The following ITSN2 variants were observed in gnomAD, a reference collection of about 807,000 sequenced individuals.
ITSN2 encodes intersectin 2, also known as intersectin-2.
In ITSN2, 156 loss-of-function variants were observed where a neutral mutation model predicts 243.7. The observed-to-expected ratio is 0.64, with a 90% CI of 0.56 to 0.73. ITSN2 has a LOEUF of 0.73. ITSN2 is among the 30% of genes least tolerant of loss of function. The pLI, the probability that ITSN2 is intolerant of heterozygous loss-of-function variation, is 0.00. For missense variants in ITSN2, 1,801 were observed against 1,996.1 expected (o/e 0.90, Z 1.86); for synonymous variants, 703 against 699.9 (o/e 1.00, Z -0.07).
intron 18 of ITSN2, among the ~76,000 whole-genome samples, chr2:24,272,876 G>C (rs965230367): frequency 3.3e-5 from 5 of 152,142 alleles, no homozygotes; most frequent in Admixed American, 2.0e-4. Flanking sequence ...CAGTCAAGGT[G>C]ATCTGTGATC....
intron 1 of ITSN2, among the ~76,000 whole-genome samples, chr2:24,355,273 A>C (rs1688343204): frequency 6.6e-6 from 1 of 152,238 alleles, no homozygotes; most frequent in South Asian, 2.1e-4. Context: ...AGATCTATCC[A>C]CTTACAGAAT....
intron 25 of ITSN2, among the ~76,000 whole-genome samples, chr2:24,251,235 G>C (rs983628700): frequency 9.7e-5 from 14 of 144,756 alleles, no homozygotes; most frequent in African/African-American, 3.6e-4. Context: ...TAAGGCACGA[G>C]AATTGCTTGA....
intron 15 of ITSN2, among the ~76,000 whole-genome samples, chr2:24,290,654 C>T (rs1171757658): frequency 3.3e-5 from 5 of 152,010 alleles, no homozygotes; most frequent in East Asian, 1.9e-4. Flanking sequence ...ACATAGAGAG[C>T]GGTAAAGAGC....
At chr2:24,210,629 AAAAAAG>A (rs1558428118) in intron 34 of ITSN2, 145 bp downstream of exon 34, 57 of 635,670 alleles carry the variant, frequency 9.0e-5, no homozygotes, top group Non-Finnish European at 8.5e-5. Context: ...AAAAAAAAAA[AAAAAAG>A]AAAAAAAAAT....
At chr2:24,210,629 A>AAAG in intron 34 of ITSN2, 151 bp downstream of exon 34, 7 of 635,822 alleles carry the variant, frequency 1.1e-5, no homozygotes, top group Non-Finnish European at 1.8e-5. Context: ...AAAAAAAAAA[A>AAAG]AAAAAGAAAA....
At chr2:24,233,253 T>G (rs915307844) in intron 29 of ITSN2, among the ~76,000 whole-genome samples, 1 of 152,202 alleles carries the variant, frequency 6.6e-6, no homozygotes, top group African/African-American at 2.4e-5. Flanking sequence ...TTTCCACTTG[T>G]TTATGACTAC....
At chr2:24,317,231 C>A (rs1684041540) in intron 2 of ITSN2, among the ~76,000 whole-genome samples, 1 of 151,920 alleles carries the variant, frequency 6.6e-6, no homozygotes, top group Non-Finnish European at 1.5e-5. Flanking sequence ...AAATACAAAA[C>A]AAATTAGCTG....
At position 24,231,704 on chromosome 2, in the gene ITSN2, G is replaced by C. The variant is rs537568437; in HGVS notation, c.3578-10638C>G. 8.2e-4 allele frequency among the ~76,000 whole-genome samples: 125 copies of C among 152,310 alleles called. 1 individual carries two copies. Among genetic ancestry groups the C allele is most frequent in the African/African-American group, 2.9e-3 (122 of 41,560 alleles). ...CTAAGAAAGGAGAGGGGAAAGATCT[G>C]GGCAGATTCCAGGAGGTAAAGGACA... On this transcript the variant is annotated intron_variant, in intron 29 of 39. Coordinates refer to ENST00000355123, the MANE Select transcript of ITSN2 (RefSeq NM_006277.3).
At chr2:24,355,456 A>T (rs1272629677) in intron 1 of ITSN2, among the ~76,000 whole-genome samples, 1 of 152,206 alleles carries the variant, frequency 6.6e-6, no homozygotes, top group African/African-American at 2.4e-5. Flanking sequence ...GATCTTCAAC[A>T]AACAAGACAA....
chr2:24,306,594 TCTC>T (rs1166827490), intron 8 of ITSN2, among the ~76,000 whole-genome samples: 2 of 152,248 alleles, frequency 1.3e-5, no homozygotes, highest in African/African-American at 4.8e-5. Context: ...ATTTATCTAT[TCTC>T]CTGTCGATGA....
chr2:24,272,876 G>A (rs965230367), intron 18 of ITSN2, among the ~76,000 whole-genome samples: 5 of 152,260 alleles, frequency 3.3e-5, no homozygotes, highest in African/African-American at 1.2e-4. Flanking sequence ...CAGTCAAGGT[G>A]ATCTGTGATC....
chr2:24,274,074 G>A (rs933577294), intron 18 of ITSN2, among the ~76,000 whole-genome samples: 10 of 152,268 alleles, frequency 6.6e-5, no homozygotes, highest in South Asian at 4.1e-4. Context: ...TTGTGAACAC[G>A]ATGAAGAAAG....
chr2:24,281,053 AGTTTTGCTCTT>A (rs1678710654), intron 17 of ITSN2, among the ~76,000 whole-genome samples: 1 of 152,120 alleles, frequency 6.6e-6, no homozygotes, highest in African/African-American at 2.4e-5. Flanking sequence ...TCTGAGACAG[AGTTTTGCTCTT>A]GTTGCCCTGG....
At chr2:24,343,468 AAC>A (rs537558356) in intron 1 of ITSN2, among the ~76,000 whole-genome samples, 166 of 152,270 alleles carry the variant, frequency 1.1e-3, no homozygotes, top group African/African-American at 3.9e-3. Context: ...CTTGTACTGT[AAC>A]CACTGCCTAG....
At chr2:24,231,855 T>G (rs1306841128) in intron 29 of ITSN2, among the ~76,000 whole-genome samples, 2 of 152,220 alleles carry the variant, frequency 1.3e-5, no homozygotes, top group East Asian at 3.9e-4. Context: ...GTGTGCCCAC[T>G]TATGCGGCCA....
At chr2:24,340,252 C>T (rs999564941) in intron 1 of ITSN2, among the ~76,000 whole-genome samples, 3 of 151,922 alleles carry the variant, frequency 2.0e-5, no homozygotes, top group East Asian at 3.9e-4. Flanking sequence ...GAGGCCGAGG[C>T]GGCAGATTAC....
intron 2 of ITSN2, among the ~76,000 whole-genome samples, chr2:24,319,110 T>C (rs571383352): frequency 3.9e-5 from 6 of 152,282 alleles, no homozygotes; most frequent in African/African-American, 1.4e-4. Context: ...ATGAAACTGG[T>C]CCCTGGTGCC....
chr2:24,226,705 C>G (rs1383252479), intron 29 of ITSN2, among the ~76,000 whole-genome samples: 1 of 152,042 alleles, frequency 6.6e-6, no homozygotes, highest in Non-Finnish European at 1.5e-5. Flanking sequence ...TTATGTGCAG[C>G]CAGTCTAATT....
chr2:24,284,281 C>T (rs1480194990), intron 17 of ITSN2, among the ~76,000 whole-genome samples: 1 of 152,136 alleles, frequency 6.6e-6, no homozygotes, highest in African/African-American at 2.4e-5. Context: ...ACTAAAGTTG[C>T]CCCTGCATTA....
Sources: allele counts gnomAD v4.1 joint callset (sites outside exome capture counted in the v4.1 genomes callset), GRCh38; gene constraint gnomAD v4.1.1; transcripts MANE v1.5; gene names NCBI Gene and HGNC (gene_info 2026-07-23, HGNC 2026-07-21).